ERBB4: variants seen among roughly 807,000 people sequenced by gnomAD.
The protein encoded by ERBB4 is erb-b2 receptor tyrosine kinase 4.
Under a neutral mutation model 158.0 loss-of-function variants are expected in ERBB4, and 42 were observed. That is an observed-to-expected ratio of 0.27 (90% CI 0.21 to 0.34). The LOEUF is 0.34. Among genes scored for constraint, ERBB4 ranks in the 10% least tolerant of loss-of-function variants. The probability of loss-of-function intolerance (pLI) is 1.00; values close to 1 mark genes in which losing one functional copy is unlikely to be tolerated. For synonymous variants in ERBB4, 583 were observed against 558.7 expected (o/e 1.04, Z -0.61); for missense variants, 1,333 against 1,624.1 (o/e 0.82, Z 3.08).
chr2:212,169,949 C>G (rs976007021), intron 1 of ERBB4, among the ~76,000 whole-genome samples: 1 of 152,116 alleles, frequency 6.6e-6, no homozygotes, highest in African/African-American at 2.4e-5. Context: ...ATTACCCAGT[C>G]TCAGGTATGT....
intron 19 of ERBB4, among the ~76,000 whole-genome samples, chr2:211,562,587 G>C (rs1274132197): frequency 1.3e-5 from 2 of 151,974 alleles, no homozygotes; most frequent in Admixed American, 1.3e-4. Flanking sequence ...TGGAAATGTA[G>C]ATAATTACAA....
At chr2:212,292,435 C>T (rs1374457785) in intron 1 of ERBB4, among the ~76,000 whole-genome samples, 1 of 151,920 alleles carries the variant, frequency 6.6e-6, no homozygotes, top group Non-Finnish European at 1.5e-5. Flanking sequence ...CCACTTCTAC[C>T]AATTTCCAGA....
intron 20 of ERBB4, among the ~76,000 whole-genome samples, chr2:211,529,156 G>T (rs1361575070): frequency 6.7e-6 from 1 of 149,516 alleles, no homozygotes; most frequent in Non-Finnish European, 1.5e-5. Context: ...AAAAAAATTA[G>T]AGATGAAAAA....
At position 211,601,499 on chromosome 2, in the gene ERBB4, A is replaced by C. The variant is rs566634988; in HGVS notation, c.2301+17678T>G. Among the ~76,000 whole-genome samples the C allele has an allele frequency of 3.9e-5, 6 of 152,190 alleles. No homozygotes were observed. The South Asian group carries it at 1.2e-3, about 32-fold the overall frequency. ...GCTCAGAACAATGAATGAAGAAAAA[A>C]AAAAGCCCCAACTTTCATTGCTTGG... is the stretch of plus-strand genomic sequence containing the variant. On this transcript the variant is annotated intron_variant, in intron 19 of 27. Coordinates refer to ENST00000342788, the MANE Select transcript of ERBB4 (RefSeq NM_005235.3).
At chr2:211,501,104 A>G (rs2065603331) in intron 20 of ERBB4, among the ~76,000 whole-genome samples, 1 of 133,290 alleles carries the variant, frequency 7.5e-6, no homozygotes, top group Non-Finnish European at 1.6e-5. Context: ...TAAAAAGATA[A>G]GTATCTACTA....
intron 7 of ERBB4, among the ~76,000 whole-genome samples, chr2:211,721,153 T>A (rs62182981): frequency 1.3e-5 from 2 of 152,054 alleles, no homozygotes; most frequent in African/African-American, 4.8e-5. Context: ...CAAACTGTGT[T>A]GTGTGCATTT....
intron 1 of ERBB4, among the ~76,000 whole-genome samples, chr2:212,446,829 A>G (rs2106003286): frequency 6.6e-6 from 1 of 150,754 alleles, no homozygotes; most frequent in South Asian, 2.1e-4. Context: ...GCTGAAGTTC[A>G]AATATAGAGT....
intron 2 of ERBB4, among the ~76,000 whole-genome samples, chr2:212,043,832 T>C (rs899013702): frequency 6.6e-6 from 1 of 152,114 alleles, no homozygotes; most frequent in Non-Finnish European, 1.5e-5. Flanking sequence ...GCAGTACCTA[T>C]CTTGTCAGGT....
chr2:211,401,359 A>AGAGT (rs755471416), intron 25 of ERBB4, among the ~76,000 whole-genome samples: 1 of 152,096 alleles, frequency 6.6e-6, no homozygotes, highest in Non-Finnish European at 1.5e-5. Context: ...CATTTTTTAC[A>AGAGT]GAGTATAGGT....
At chr2:211,973,392 G>A (rs932223148) in intron 2 of ERBB4, among the ~76,000 whole-genome samples, 1 of 151,886 alleles carries the variant, frequency 6.6e-6, no homozygotes, top group African/African-American at 2.4e-5. Context: ...TAGTAGAGAC[G>A]GGGTTTCACC....
intron 4 of ERBB4, among the ~76,000 whole-genome samples, chr2:211,782,681 C>A (rs149194081): frequency 0.015 from 2,259 of 152,116 alleles, 47 homozygotes; most frequent in African/African-American, 0.052. Flanking sequence ...ATTCGGGAGC[C>A]AAACTGTGTG....
chr2:212,134,223 T>C (rs919578268), intron 1 of ERBB4, among the ~76,000 whole-genome samples: 1 of 152,138 alleles, frequency 6.6e-6, no homozygotes, highest in Non-Finnish European at 1.5e-5. Context: ...GGTAAATTAT[T>C]GATAAATTGC....
At chr2:212,010,326 C>A (rs375284711) in intron 2 of ERBB4, among the ~76,000 whole-genome samples, 1 of 152,002 alleles carries the variant, frequency 6.6e-6, no homozygotes, top group South Asian at 2.1e-4. Flanking sequence ...AACATAATCA[C>A]CAGGTGTGTA....
At chr2:211,941,425 C>T (rs2080493268) in intron 3 of ERBB4, among the ~76,000 whole-genome samples, 1 of 152,054 alleles carries the variant, frequency 6.6e-6, no homozygotes, top group Admixed American at 6.6e-5. Flanking sequence ...TTGAAGAATG[C>T]TTAGCAACTC....
chr2:211,652,985 T>A (rs2071057049), intron 16 of ERBB4, among the ~76,000 whole-genome samples: 1 of 152,174 alleles, frequency 6.6e-6, no homozygotes, highest in Non-Finnish European at 1.5e-5. Flanking sequence ...AAAAAAAATC[T>A]TTGGATATAT....
intron 1 of ERBB4, among the ~76,000 whole-genome samples, chr2:212,416,732 CA>C (rs2091663638): frequency 1.3e-5 from 2 of 152,134 alleles, no homozygotes; most frequent in South Asian, 4.2e-4. Context: ...CAGAAATTGG[CA>C]AAGGAAATTA....
intron 1 of ERBB4, among the ~76,000 whole-genome samples, chr2:212,480,257 TTAA>T (rs1689620660): frequency 6.6e-6 from 1 of 152,132 alleles, no homozygotes; most frequent in African/African-American, 2.4e-5. Flanking sequence ...TTGGACCTTA[TTAA>T]TATATGTATA....
At chr2:212,257,286 T>A (rs557458990) in intron 1 of ERBB4, among the ~76,000 whole-genome samples, 1 of 152,170 alleles carries the variant, frequency 6.6e-6, no homozygotes, top group South Asian at 2.1e-4. Context: ...TTAGGTGATA[T>A]GGAATCTTAA....
At chr2:211,406,892 G>A (rs2063158486) in intron 25 of ERBB4, among the ~76,000 whole-genome samples, 1 of 152,000 alleles carries the variant, frequency 6.6e-6, no homozygotes, top group South Asian at 2.1e-4. Context: ...ACCAGCCTGG[G>A]CAACATGGCA....
Sources: gnomAD v4.1 joint callset for allele counts (sites outside exome capture counted in the v4.1 genomes callset) on GRCh38, gnomAD v4.1.1 for gene constraint, MANE v1.5 for transcripts, NCBI Gene and HGNC (gene_info 2026-07-23, HGNC 2026-07-21) for gene names.